The following ACBD3 variants were observed in gnomAD, a reference collection of about 807,000 sequenced individuals.
ACBD3 encodes the protein Golgi resident protein GCP60.
A neutral mutation model predicts 66.9 loss-of-function variants in ACBD3; 30 were observed. The observed-to-expected ratio is 0.45, with a 90% CI of 0.34 to 0.61. ACBD3 has a LOEUF of 0.61. Ranked by LOEUF, ACBD3 falls within the 20% of genes least tolerant of loss-of-function variation. The probability of loss-of-function intolerance (pLI) is 0.02; values close to 1 mark genes in which losing one functional copy is unlikely to be tolerated. For missense variants in ACBD3, 544 were observed against 664.5 expected (o/e 0.82, Z 1.99); for synonymous variants, 278 against 259.8 (o/e 1.07, Z -0.68).
At position 226,161,616 on chromosome 1, in the gene ACBD3, T is replaced by C. The variant is rs771713081; in HGVS notation, c.643A>G (p.Arg215Gly). The change falls in exon 4 of 8, where the codon AGG (arginine) becomes GGG (glycine). Residue 215 changes from arginine (R) to glycine (G), a missense_variant. Physicochemically the swap from Arg to Gly is moderately radical, Grantham distance 125 (BLOSUM62 -2). Transcript: ENST00000366812. ...CGAAGCCTTTCCTCTTCTTCTCTCC[T>C]ACGTTTCTCTTCCTCCTTTTGCAGA... is the stretch of plus-strand genomic sequence containing the variant. ...ERLQKEEEKR[R>G]REEEERLRRE... The C allele has an allele frequency of 1.9e-6, 3 of 1,613,890 alleles. No individual in the cohort carries two copies. Among genetic ancestry groups the C allele is most frequent in the Non-Finnish European group, 2.5e-6 (3 of 1,179,892 alleles).
At chr1:226,175,645 A>AT (rs767959532) in intron 1 of ACBD3, among the ~76,000 whole-genome samples, 2,108 of 148,550 alleles carry the variant, frequency 0.014, 88 homozygotes, top group Admixed American at 0.091. Flanking sequence ...ATACATTAGA[A>AT]TTTTTTTTTT....
At position 226,161,704 on chromosome 1, in the gene ACBD3, T is replaced by C. The variant is rs1194167960; in HGVS notation, c.570-15A>G. ...CTTCCTCCTTCCTACAAGGCAAAGATAGAGAATGAACCCTATACGTTGAAT... is the reference window on the plus strand; with the variant it reads ...CTTCCTCCTTCCTACAAGGCAAAGACAGAGAATGAACCCTATACGTTGAAT... On this transcript the variant is annotated splice_polypyrimidine_tract_variant and intron_variant, in intron 3 of 7. Coordinates refer to ENST00000366812, the MANE Select transcript of ACBD3 (RefSeq NM_022735.4). The C allele has an allele frequency of 3.2e-6, 5 of 1,567,524 alleles. No homozygotes were observed. The highest frequency in any genetic ancestry group is 2.7e-5 in the African/African-American group (2 of 72,884).
chr1:226,148,150 C>A (rs1266770215), intron 7 of ACBD3: 4 of 152,100 alleles, frequency 2.6e-5, no homozygotes, highest in African/African-American at 4.8e-5. Context: ...TGGAAAGGAT[C>A]TTGGAACATT....
At chr1:226,147,568 G>A (rs1659479973) in intron 7 of ACBD3, among the ~76,000 whole-genome samples, 1 of 152,120 alleles carries the variant, frequency 6.6e-6, no homozygotes, top group Non-Finnish European at 1.5e-5. Context: ...TTAGAAAGAT[G>A]GAAGATGATT....
chr1:226,165,643 C>G (rs1244324943), intron 2 of ACBD3, among the ~76,000 whole-genome samples: 5 of 152,184 alleles, frequency 3.3e-5, no homozygotes, highest in South Asian at 4.1e-4. Context: ...GTCTTATGTT[C>G]ATAAGCAGAT....
intron 1 of ACBD3, among the ~76,000 whole-genome samples, chr1:226,166,838 T>C (rs1276323006): frequency 6.6e-6 from 1 of 152,036 alleles, no homozygotes; most frequent in Non-Finnish European, 1.5e-5. Context: ...CTAAAGCTAC[T>C]ACAGAAAAAC....
chr1:226,159,379 T>C (rs772823237), intron 4 of ACBD3, 21 bp from the exon 5 acceptor site: 10 of 1,610,992 alleles, frequency 6.2e-6, no homozygotes, highest in South Asian at 2.2e-5. Flanking sequence ...TAAAAATATA[T>C]ATACTAGTCT....
At chr1:226,150,100 G>T (rs534518830) in intron 7 of ACBD3, among the ~76,000 whole-genome samples, 1 of 147,294 alleles carries the variant, frequency 6.8e-6, no homozygotes, top group Non-Finnish European at 1.5e-5. Context: ...TCTGTCGCTC[G>T]GGCTGGAATG....
At chr1:226,164,122 A>C (rs368605193) in intron 3 of ACBD3, among the ~76,000 whole-genome samples, 65 of 137,612 alleles carry the variant, frequency 4.7e-4, no homozygotes, top group African/African-American at 8.3e-4. Context: ...ATCTTAAAAA[A>C]AAAAAAAAAA....
intron 7 of ACBD3, among the ~76,000 whole-genome samples, chr1:226,147,776 T>C (rs1228218993): frequency 6.6e-6 from 1 of 152,116 alleles, no homozygotes; most frequent in Non-Finnish European, 1.5e-5. Context: ...ACTGTAATGC[T>C]ATGAGGTTAG....
intron 1 of ACBD3, among the ~76,000 whole-genome samples, chr1:226,180,222 G>A (rs1674577457): frequency 6.7e-6 from 1 of 149,156 alleles, no homozygotes; most frequent in Non-Finnish European, 1.5e-5. Flanking sequence ...CTAAATCAAT[G>A]AGTAGGAAAC....
At chr1:226,154,983 T>A (rs983169757) in intron 5 of ACBD3, 150 bp from the exon 6 acceptor site, 3 of 484,338 alleles carry the variant, frequency 6.2e-6, no homozygotes, top group African/African-American at 5.9e-5. Flanking sequence ...TTTTATCCTG[T>A]CTATAATGAA....
chr1:226,170,648 GAACT>G (rs918867976), intron 1 of ACBD3, among the ~76,000 whole-genome samples: 5 of 151,974 alleles, frequency 3.3e-5, no homozygotes, highest in Non-Finnish European at 7.4e-5. Context: ...AAGATGATTT[GAACT>G]AATAGATGGG....
rs779490422 is a variant in ACBD3, at chr1:226,164,812, C to T, written c.546G>A (p.Glu182=). 6.2e-7 allele frequency: 1 copy of T among 1,608,836 alleles called. No individual in the cohort carries two copies. The highest frequency in any genetic ancestry group is 1.3e-5 in the African/African-American group (1 of 74,898). ...FSTYVASHKI[E]KEEQEKKRKE... ...ACCTTTTTTTTTCTTGCTCTTCCTT[C>T]TCTATTTTGTGGGACGCAACATATG... is the stretch of plus-strand genomic sequence containing the variant. The change falls in exon 3 of 8, where the codon GAG becomes GAA. Residue 182 remains glutamate, a synonymous_variant. Coordinates refer to ENST00000366812, the MANE Select transcript of ACBD3 (RefSeq NM_022735.4).
Position 226,186,487 on chromosome 1 carries a change from C to T in ACBD3, c.189G>A (p.Ala63=). The change falls in exon 1 of 8, where the codon GCG becomes GCA. Residue 63 remains alanine, a synonymous_variant. Coordinates refer to ENST00000366812, the MANE Select transcript of ACBD3 (RefSeq NM_022735.4). ...CCTCCTCCGCCGCGCCCCCAGCCGCCGCCTCCCCGGGCTCGGGCTGCTCCC... is the reference window on the plus strand; with the variant it reads ...CCTCCTCCGCCGCGCCCCCAGCCGCTGCCTCCCCGGGCTCGGGCTGCTCCC... The part of the protein sequence containing the change: ...ASGEQPEPGE[A]AAGGAAEEAR... 8.1e-6 allele frequency: 12 copies of T among 1,488,560 alleles called. No homozygotes were observed. Among genetic ancestry groups the T allele is most frequent in the South Asian group, 6.4e-5 (5 of 78,378 alleles). The allele number at this position is 1,488,560 out of a possible 1,614,324, so 92.2% of individuals were successfully genotyped here.
At chr1:226,158,006 G>C (rs985551458) in intron 5 of ACBD3, among the ~76,000 whole-genome samples, 23 of 152,206 alleles carry the variant, frequency 1.5e-4, no homozygotes, top group African/African-American at 5.5e-4. Flanking sequence ...TGAAACTAAA[G>C]TAGAAACAGG....
At position 226,164,890 on chromosome 1, in the gene ACBD3, A is replaced by G. The variant is rs374962334; in HGVS notation, c.468T>C (p.Asp156=). The change falls in exon 3 of 8, where the codon GAT becomes GAC. Residue 156 remains aspartate, a synonymous_variant. Coordinates refer to ENST00000366812, the MANE Select transcript of ACBD3 (RefSeq NM_022735.4). ...AGAGCTTGACAAACTCCACCATGGC[A>G]TCCTCTTTAGACATGTTTCCCAGGG... The part of the protein sequence containing the change: ...WAALGNMSKE[D]AMVEFVKLLN... 43 of 1,607,476 alleles carry G rather than the reference A, an allele frequency of 2.7e-5. No homozygotes were observed. Among genetic ancestry groups the G allele is most frequent in the Non-Finnish European group, 3.5e-5 (41 of 1,176,946 alleles).
At chr1:226,178,596 CTA>C (rs1230132161) in intron 1 of ACBD3, among the ~76,000 whole-genome samples, 1 of 94,060 alleles carries the variant, frequency 1.1e-5, no homozygotes, top group African/African-American at 4.2e-5. Context: ...AAAAAAAAGA[CTA>C]TTAGGCTCAC....
chr1:226,172,155 C>CAAAAAAAA (rs779380166), intron 1 of ACBD3, among the ~76,000 whole-genome samples: 19 of 43,222 alleles, frequency 4.4e-4, no homozygotes, highest in East Asian at 1.5e-3. Flanking sequence ...AACTCCATCT[C>CAAAAAAAA]AAAAAAAAAA....
Sources: gnomAD v4.1 joint callset for allele counts (sites outside exome capture counted in the v4.1 genomes callset) on GRCh38, gnomAD v4.1.1 for gene constraint, MANE v1.5 for transcripts, NCBI Gene and HGNC (gene_info 2026-07-23, HGNC 2026-07-21) for gene names.